The following DCC variants were observed in gnomAD, a reference collection of about 807,000 sequenced individuals.
DCC encodes DCC netrin 1 receptor.
DCC carries 58 observed loss-of-function variants against 172.5 expected under a neutral mutation model. The observed-to-expected ratio is 0.34, with a 90% CI of 0.27 to 0.42. The LOEUF is 0.42. Ranked by LOEUF, DCC falls within the 10% of genes least tolerant of loss-of-function variation. The pLI, the probability that DCC is intolerant of heterozygous loss-of-function variation, is 1.00. For synonymous variants in DCC, 709 were observed against 644.5 expected (o/e 1.10, Z -1.52); for missense variants, 1,740 against 1,791.0 (o/e 0.97, Z 0.51).
At chr18:52,704,390 A>G (rs1041979331) in intron 1 of DCC, among the ~76,000 whole-genome samples, 1 of 152,224 alleles carries the variant, frequency 6.6e-6, no homozygotes, top group African/African-American at 2.4e-5. Flanking sequence ...TAACAAATAA[A>G]TATTTGAGGC....
intron 12 of DCC, among the ~76,000 whole-genome samples, chr18:53,238,846 A>G (rs559395669): frequency 1.3e-5 from 2 of 152,284 alleles, no homozygotes; most frequent in Non-Finnish European, 2.9e-5. Context: ...CAGACAGCTA[A>G]TATTTATTGA....
intron 23 of DCC, among the ~76,000 whole-genome samples, chr18:53,455,676 A>C (rs2045474020): frequency 6.6e-6 from 1 of 152,196 alleles, no homozygotes; most frequent in African/African-American, 2.4e-5. Flanking sequence ...TCAAGCTAAA[A>C]ATCTTTTTGC....
intron 15 of DCC, among the ~76,000 whole-genome samples, chr18:53,372,589 G>A (rs376880294): frequency 1.3e-5 from 2 of 151,662 alleles, no homozygotes; most frequent in African/African-American, 4.8e-5. Context: ...ACTTGCACAC[G>A]TACCCATGAA....
intron 14 of DCC, among the ~76,000 whole-genome samples, chr18:53,337,485 A>G (rs1001502538): frequency 4.6e-5 from 7 of 152,204 alleles, no homozygotes; most frequent in African/African-American, 1.4e-4. Flanking sequence ...CTTAGAGTTT[A>G]TATTAGGAAA....
rs1251158432 is a variant in DCC, at chr18:52,340,502, G to A, written c.-286G>A. The A allele has an allele frequency of 1.2e-5, 6 of 518,034 alleles. No homozygotes were observed. The highest frequency in any genetic ancestry group is 9.6e-5 in the African/African-American group (5 of 51,998). 32.1% of individuals were successfully genotyped at this position (518,034 alleles called of 1,614,324 possible). ...CTCCTCTGGCTCCCTCCGTTTCCTT[G>A]AGTTAGTTTTCTAAGGTTTTACCGG... On this transcript the variant is annotated 5_prime_UTR_variant, in exon 1 of 29. The change abolishes the stop of an existing upstream ORF in the 5' untranslated region. Coordinates refer to ENST00000442544, the MANE Select transcript of DCC (RefSeq NM_005215.4).
chr18:52,923,477 G>A (rs2040154765), intron 3 of DCC, among the ~76,000 whole-genome samples: 1 of 152,050 alleles, frequency 6.6e-6, no homozygotes, highest in Non-Finnish European at 1.5e-5. Flanking sequence ...TCAGATACAT[G>A]AATAGCCTCA....
At chr18:52,937,321 G>T (rs1196869679) in intron 5 of DCC, among the ~76,000 whole-genome samples, 1 of 152,140 alleles carries the variant, frequency 6.6e-6, no homozygotes, top group African/African-American at 2.4e-5. Context: ...TGGTGCAAAA[G>T]TAATTGTGGT....
chr18:53,322,485 A>C (rs1400538401), intron 14 of DCC, among the ~76,000 whole-genome samples: 1 of 152,266 alleles, frequency 6.6e-6, no homozygotes, highest in East Asian at 1.9e-4. Context: ...GTTCACAAGA[A>C]TTAGTGTAAT....
At chr18:53,438,446 T>C (rs1054552179) in intron 22 of DCC, among the ~76,000 whole-genome samples, 15 of 152,158 alleles carry the variant, frequency 9.9e-5, no homozygotes, top group African/African-American at 3.6e-4. Flanking sequence ...AGAGGCCAAG[T>C]AACATTTAAA....
At chr18:52,519,352 C>A (rs1409738919) in intron 1 of DCC, among the ~76,000 whole-genome samples, 2 of 152,016 alleles carry the variant, frequency 1.3e-5, no homozygotes, top group Non-Finnish European at 2.9e-5. Context: ...GCAGTGGGGA[C>A]TTTTTTCTTT....
At chr18:52,869,067 C>G (rs974891842) in intron 2 of DCC, among the ~76,000 whole-genome samples, 6 of 152,190 alleles carry the variant, frequency 3.9e-5, no homozygotes, top group African/African-American at 1.4e-4. Context: ...GTCTGGGATC[C>G]CCAAAGGGTC....
chr18:53,169,373 C>A (rs1210081101), intron 8 of DCC, among the ~76,000 whole-genome samples: 1 of 152,188 alleles, frequency 6.6e-6, no homozygotes, highest in East Asian at 1.9e-4. Flanking sequence ...TCCAAGTGGA[C>A]AAGTTGTCTA....
intron 1 of DCC, among the ~76,000 whole-genome samples, chr18:52,651,105 T>A (rs1426232496): frequency 6.6e-6 from 1 of 152,204 alleles, no homozygotes; most frequent in Non-Finnish European, 1.5e-5. Flanking sequence ...GTCAATAATT[T>A]TCTATACTTT....
At chr18:52,731,852 C>T (rs994706126) in intron 1 of DCC, among the ~76,000 whole-genome samples, 3 of 152,086 alleles carry the variant, frequency 2.0e-5, no homozygotes, top group African/African-American at 7.2e-5. Context: ...TTCTATTTGT[C>T]TGGATTTGCT....
intron 22 of DCC, among the ~76,000 whole-genome samples, chr18:53,446,369 G>A (rs1449485278): frequency 6.6e-6 from 1 of 152,156 alleles, no homozygotes; most frequent in Admixed American, 6.6e-5. Flanking sequence ...TCACTGTGGT[G>A]CAACTATTAT....
At chr18:53,220,157 T>C (rs186628578) in intron 12 of DCC, among the ~76,000 whole-genome samples, 1 of 152,104 alleles carries the variant, frequency 6.6e-6, no homozygotes, top group Non-Finnish European at 1.5e-5. Context: ...AGTTATGATA[T>C]TAAATTGCAG....
chr18:52,936,921 T>C (rs187653301), intron 5 of DCC, among the ~76,000 whole-genome samples: 1 of 152,318 alleles, frequency 6.6e-6, no homozygotes, highest in African/African-American at 2.4e-5. Flanking sequence ...TTTAAATAAA[T>C]GTTTTTCTGA....
chr18:52,894,486 A>G (rs766937005), intron 2 of DCC, among the ~76,000 whole-genome samples: 135 of 150,346 alleles, frequency 9.0e-4, no homozygotes, highest in Non-Finnish European at 1.5e-3. Context: ...TATGTGATAT[A>G]TAAATATTTT....
intron 7 of DCC, among the ~76,000 whole-genome samples, chr18:53,095,359 TA>T (rs1305738458): frequency 1.3e-5 from 2 of 152,210 alleles, no homozygotes; most frequent in Non-Finnish European, 2.9e-5. Flanking sequence ...TTGTCTTTGC[TA>T]ATAGATTTGA....
Sources: allele counts gnomAD v4.1 joint callset (sites outside exome capture counted in the v4.1 genomes callset), GRCh38; gene constraint gnomAD v4.1.1; transcripts MANE v1.5; gene names NCBI Gene and HGNC (gene_info 2026-07-23, HGNC 2026-07-21).